Variants in GRID2 observed in about 807,000 individuals in gnomAD.
GRID2 encodes the protein glutamate receptor ionotropic, delta-2.
In GRID2, 33 loss-of-function variants were observed where a neutral mutation model predicts 114.8. The observed-to-expected ratio is 0.29, with a 90% CI of 0.22 to 0.38. The LOEUF is 0.38. Ranked by LOEUF, GRID2 falls within the 10% of genes least tolerant of loss-of-function variation. The pLI is 1.00. For missense variants in GRID2, 1,184 were observed against 1,257.7 expected (o/e 0.94, Z 0.89); for synonymous variants, 505 against 449.9 (o/e 1.12, Z -1.55).
chr4:93,349,385 G>A lies in GRID2; in HGVS notation c.1246-46222G>A, dbSNP rs1471218306. ...TACTTTTTTTTCTTTTACCATCCAT[G>A]CTGATACTTGAATGAAATGATTAAT... On this transcript the variant is annotated intron_variant, in intron 8 of 15. Transcript: ENST00000282020. Among the ~76,000 whole-genome samples the A allele has an allele frequency of 2.0e-5, 3 of 151,884 alleles. No individual in the cohort carries two copies. In the East Asian group the frequency reaches 5.8e-4, roughly 29 times the overall value.
chr4:93,588,183 C>A (rs774118095), intron 13 of GRID2, among the ~76,000 whole-genome samples: 17 of 151,762 alleles, frequency 1.1e-4, no homozygotes, highest in Non-Finnish European at 2.2e-4. Context: ...GGTGATTTTT[C>A]CAAATAGAAA....
At chr4:93,155,968 A>G (rs568983209) in intron 4 of GRID2, among the ~76,000 whole-genome samples, 2 of 151,956 alleles carry the variant, frequency 1.3e-5, no homozygotes, top group African/African-American at 4.8e-5. Flanking sequence ...CTAAAAGAGT[A>G]GAATTGGAAT....
chr4:93,372,701 A>T (rs1763046296), intron 8 of GRID2, among the ~76,000 whole-genome samples: 1 of 152,068 alleles, frequency 6.6e-6, no homozygotes, highest in African/African-American at 2.4e-5. Context: ...TTCCATAAAC[A>T]TTGCTTCCAT....
At chr4:93,489,394 A>G (rs1328010363) in intron 11 of GRID2, among the ~76,000 whole-genome samples, 1 of 151,974 alleles carries the variant, frequency 6.6e-6, no homozygotes, top group Non-Finnish European at 1.5e-5. Flanking sequence ...AAAGTCAGAC[A>G]ATTGACCTAA....
intron 2 of GRID2, among the ~76,000 whole-genome samples, chr4:93,013,937 G>A (rs1722431401): frequency 6.6e-6 from 1 of 151,838 alleles, no homozygotes; most frequent in South Asian, 2.1e-4. Context: ...ATAAAATATT[G>A]AATAATATTT....
At chr4:92,443,663 G>T (rs755549398) in intron 1 of GRID2, among the ~76,000 whole-genome samples, 26 of 152,090 alleles carry the variant, frequency 1.7e-4, no homozygotes, top group Non-Finnish European at 3.1e-4. Context: ...GAAGGGGTTG[G>T]AGTACTTGCC....
chr4:92,498,124 T>C (rs542729937), intron 1 of GRID2, among the ~76,000 whole-genome samples: 2 of 151,870 alleles, frequency 1.3e-5, no homozygotes, highest in East Asian at 1.9e-4. Context: ...AAAGAGGTTA[T>C]AGGTAAAAAA....
intron 1 of GRID2, among the ~76,000 whole-genome samples, chr4:92,337,134 A>G (rs1727227056): frequency 1.3e-5 from 2 of 151,920 alleles, no homozygotes; most frequent in African/African-American, 4.8e-5. Flanking sequence ...ATTATTTAGC[A>G]TAGACTTTGC....
At chr4:93,454,280 C>T (rs919472202) in intron 10 of GRID2, among the ~76,000 whole-genome samples, 4 of 151,836 alleles carry the variant, frequency 2.6e-5, no homozygotes, top group Non-Finnish European at 5.9e-5. Context: ...ACCCTGAGTG[C>T]CTACTATATG....
rs62319371 is a variant in GRID2 at position 93,700,017 on chromosome 4, T to G, written c.2361-69193T>G. 2.0e-3 allele frequency among the ~76,000 whole-genome samples: 299 copies of G among 152,238 alleles called. 1 individual carries two copies. The highest frequency in any genetic ancestry group is 3.1e-3 in the Non-Finnish European group (211 of 68,000). ...TGTCAGCCAGAAATGTATGACACAGTGGAGGCCAGAGGTTTTTACAGCAGC... is the reference window on the plus strand; with the variant it reads ...TGTCAGCCAGAAATGTATGACACAGGGGAGGCCAGAGGTTTTTACAGCAGC... On this transcript the variant is annotated intron_variant, in intron 14 of 15. Transcript: ENST00000282020.
intron 2 of GRID2, among the ~76,000 whole-genome samples, chr4:92,812,735 G>C (rs928578619): frequency 2.0e-5 from 3 of 152,020 alleles, no homozygotes; most frequent in Non-Finnish European, 2.9e-5. Context: ...AAATAATCTT[G>C]CAACTTGATA....
intron 11 of GRID2, among the ~76,000 whole-genome samples, chr4:93,463,937 C>T (rs1046002256): frequency 1.3e-5 from 2 of 151,802 alleles, no homozygotes; most frequent in Non-Finnish European, 2.9e-5. Context: ...TGCAGTGAGC[C>T]GAGATTGTGC....
chr4:93,203,977 G>A (rs1028148071), intron 4 of GRID2: 11 of 152,164 alleles, frequency 7.2e-5, no homozygotes, highest in Non-Finnish European at 1.3e-4. Flanking sequence ...CTGCAGTGGA[G>A]GATGGGAAAT....
chr4:93,625,024 C>T (rs1212876061), intron 13 of GRID2, among the ~76,000 whole-genome samples: 1 of 152,126 alleles, frequency 6.6e-6, no homozygotes, highest in Non-Finnish European at 1.5e-5. Flanking sequence ...TATCCATAGG[C>T]CACATGTGAC....
At chr4:92,550,068 C>T (rs1726499452) in intron 1 of GRID2, among the ~76,000 whole-genome samples, 1 of 152,046 alleles carries the variant, frequency 6.6e-6, no homozygotes, top group Non-Finnish European at 1.5e-5. Flanking sequence ...TTATGTTTTA[C>T]CTGAACTTCC....
At chr4:92,781,045 G>C (rs1739050242) in intron 2 of GRID2, among the ~76,000 whole-genome samples, 1 of 152,084 alleles carries the variant, frequency 6.6e-6, no homozygotes, top group Non-Finnish European at 1.5e-5. Context: ...AGGAGTTTGA[G>C]ACCAGCTTAA....
At chr4:92,898,627 C>G (rs919726974) in intron 2 of GRID2, among the ~76,000 whole-genome samples, 3 of 152,064 alleles carry the variant, frequency 2.0e-5, no homozygotes, top group Non-Finnish European at 2.9e-5. Context: ...AAGGAGAGAG[C>G]CTTCAAAAGT....
intron 14 of GRID2, among the ~76,000 whole-genome samples, chr4:93,729,449 T>C (rs2110219318): frequency 6.6e-6 from 1 of 152,268 alleles, no homozygotes; most frequent in South Asian, 2.1e-4. Flanking sequence ...GTATGTCTTC[T>C]TCAATACTAT....
At chr4:92,816,878 A>T (rs1175349038) in intron 2 of GRID2, among the ~76,000 whole-genome samples, 1 of 152,170 alleles carries the variant, frequency 6.6e-6, no homozygotes, top group Non-Finnish European at 1.5e-5. Context: ...TGTTAAATTT[A>T]AAAACAGGGA....
Sources: gnomAD v4.1 joint callset for allele counts (sites outside exome capture counted in the v4.1 genomes callset) on GRCh38, gnomAD v4.1.1 for gene constraint, MANE v1.5 for transcripts, NCBI Gene and HGNC (gene_info 2026-07-23, HGNC 2026-07-21) for gene names.